The following ARHGEF6 variants were observed in gnomAD, a reference collection of about 807,000 sequenced individuals.
The protein encoded by ARHGEF6 is Rac/Cdc42 guanine nucleotide exchange factor 6.
ARHGEF6 carries 9 observed loss-of-function variants against 70.3 expected under a neutral mutation model. The ratio of observed to expected loss-of-function variants is 0.13; its 90% CI spans 0.08 to 0.22. ARHGEF6 has a LOEUF of 0.22. ARHGEF6 is among the 10% of genes least tolerant of loss of function. The pLI is 1.00. For synonymous variants in ARHGEF6, 201 were observed against 207.8 expected (o/e 0.97, Z 0.28); for missense variants, 470 against 563.0 (o/e 0.83, Z 1.67).
At chrX:136,685,113 T>C (rs1001295283) in intron 12 of ARHGEF6, among the ~76,000 whole-genome samples, 8 of 111,459 alleles carry the variant, frequency 7.2e-5, no homozygotes, top group African/African-American at 2.3e-4. Flanking sequence ...GTTTCCTTAC[T>C]GTGCTGCAGC....
intron 21 of ARHGEF6, 26 bp from the exon 22 acceptor site, chrX:136,668,195 T>G: frequency 8.3e-7 from 1 of 1,209,798 alleles, no homozygotes; most frequent in South Asian, 1.8e-5. Context: ...ATTTGTTGAT[T>G]ATCAAACAGA....
At chrX:136,745,824 C>T (rs1388248136) in intron 3 of ARHGEF6, among the ~76,000 whole-genome samples, 2 of 111,608 alleles carry the variant, frequency 1.8e-5, no homozygotes, top group Non-Finnish European at 3.8e-5. Context: ...GTGTGTGGGG[C>T]AGGGTGGAGA....
chrX:136,745,663 C>A (rs2077088513), intron 3 of ARHGEF6, among the ~76,000 whole-genome samples: 1 of 111,820 alleles, frequency 8.9e-6, no homozygotes, highest in Non-Finnish European at 1.9e-5. Context: ...CAAGGCAGAA[C>A]TATATTGGGT....
chrX:136,698,547 A>G (rs1483195415), intron 9 of ARHGEF6, among the ~76,000 whole-genome samples: 1 of 112,035 alleles, frequency 8.9e-6, no homozygotes, highest in Non-Finnish European at 1.9e-5. Flanking sequence ...GAACCTAGAT[A>G]ATATTAACAG....
intron 14 of ARHGEF6, among the ~76,000 whole-genome samples, chrX:136,681,597 G>A (rs2076333639): frequency 8.9e-6 from 1 of 112,215 alleles, no homozygotes; most frequent in South Asian, 3.7e-4. Flanking sequence ...TGACAGAGGG[G>A]AAGAAAATTG....
chrX:136,736,179 G>C (rs1418722633), intron 5 of ARHGEF6, among the ~76,000 whole-genome samples: 1 of 111,477 alleles, frequency 9.0e-6, no homozygotes, highest in Admixed American at 9.5e-5. Context: ...AATTTAAAAA[G>C]GATATAATTA....
intron 2 of ARHGEF6, among the ~76,000 whole-genome samples, chrX:136,757,359 C>T (rs866641168): frequency 8.9e-6 from 1 of 112,119 alleles, no homozygotes; most frequent in Admixed American, 9.4e-5. Flanking sequence ...TCTAGCCTGT[C>T]GCACTCTAGC....
intron 2 of ARHGEF6, among the ~76,000 whole-genome samples, chrX:136,766,374 A>G (rs2077314013): frequency 1.0e-5 from 1 of 98,226 alleles, no homozygotes; most frequent in Non-Finnish European, 2.0e-5. Flanking sequence ...AATTTATCCT[A>G]TTTTGTGAGG....
chrX:136,760,371 A>G (rs2077253520), intron 2 of ARHGEF6, among the ~76,000 whole-genome samples: 1 of 112,469 alleles, frequency 8.9e-6, no homozygotes, highest in Non-Finnish European at 1.9e-5. Flanking sequence ...AATGATAACA[A>G]TAAGACCAAG....
intron 9 of ARHGEF6, among the ~76,000 whole-genome samples, chrX:136,694,345 G>A (rs1214838069): frequency 8.9e-6 from 1 of 112,040 alleles, no homozygotes; most frequent in Non-Finnish European, 1.9e-5. Flanking sequence ...GAGCCACCGC[G>A]CCCGGCCTTG....
intron 20 of ARHGEF6, among the ~76,000 whole-genome samples, chrX:136,671,533 T>G (rs749002985): frequency 1.1e-3 from 129 of 112,618 alleles, no homozygotes; most frequent in African/African-American, 4.1e-3. Flanking sequence ...CTGAACTTCC[T>G]GTACCTCAGT....
intron 5 of ARHGEF6, among the ~76,000 whole-genome samples, chrX:136,735,364 A>G (rs1286410525): frequency 2.7e-5 from 3 of 109,783 alleles, no homozygotes; most frequent in African/African-American, 1.0e-4. Context: ...GACCCCTACC[A>G]CTTCTTACTC....
At position 136,705,290 on chromosome X, in the gene ARHGEF6, C is replaced by CA. The variant is rs759719764; in HGVS notation, c.1046+1617dup. Among the ~76,000 whole-genome samples, 78 of 75,665 alleles carry CA rather than the reference C, an allele frequency of 1.0e-3. No individual in the cohort carries two copies. The South Asian group carries it at 0.035, about 34-fold the overall frequency. 65.7% of individuals were successfully genotyped at this position (75,665 alleles called of 115,157 possible). On this transcript the variant is annotated intron_variant, in intron 9 of 21. Coordinates refer to ENST00000250617, the MANE Select transcript of ARHGEF6 (RefSeq NM_004840.3). ...CCTCGGTGACAGAGCAAGACTCTGT[C>CA]AAAAAAAAAAGGAAGGGAAGAGGAG... is the stretch of plus-strand genomic sequence containing the variant.
Position 136,710,330 on chromosome X carries a change from C to CATATATATATATATAT in ARHGEF6, c.828-1576_828-1561dup, listed in dbSNP as rs59532724. Among the ~76,000 whole-genome samples the CATATATATATATATAT allele has an allele frequency of 3.7e-4, 32 of 87,549 alleles. No individual in the cohort carries two copies. In the East Asian group the frequency reaches 8.3e-3, roughly 23 times the overall value. 76.0% of individuals were successfully genotyped at this position (87,549 alleles called of 115,157 possible). A position where few individuals can be genotyped will look rare whatever the true frequency, so the allele number is the denominator to read the frequency against. The stretch of plus-strand genomic sequence containing the variant: ...TATAATATATATATTATATATTATA[C>CATATATATATATATAT]ATATATATATATATATATATATAGA... On this transcript the variant is annotated intron_variant, in intron 7 of 21. Coordinates refer to ENST00000250617, the MANE Select transcript of ARHGEF6 (RefSeq NM_004840.3).
chrX:136,685,244 C>CT (rs1424336144), intron 12 of ARHGEF6, among the ~76,000 whole-genome samples: 1 of 111,710 alleles, frequency 9.0e-6, no homozygotes, highest in Admixed American at 9.5e-5. Context: ...TTCTTGATCT[C>CT]TCCCTCCTGT....
Position 136,780,799 on chromosome X carries a change from C to T in ARHGEF6, c.84G>A (p.Glu28=). 1 of 1,211,129 alleles carries T rather than the reference C, an allele frequency of 8.3e-7. No homozygotes were observed. Among genetic ancestry groups the T allele is most frequent in the Non-Finnish European group, 1.1e-6 (1 of 895,237 alleles). ...ESPKKTICDP[E]EFLKSSLKNG... is the part of the protein sequence containing the mutation. The stretch of plus-strand genomic sequence containing the variant: ...TTTTCAGCGAGGACTTTAAAAACTC[C>T]TCCGGATCACAGATGGTCTTTTTAG... The change falls in exon 1 of 22, where the codon GAG becomes GAA. Residue 28 remains glutamate (E), a synonymous_variant. Transcript: ENST00000250617.
At chrX:136,737,115 T>A (rs925411223) in intron 5 of ARHGEF6, among the ~76,000 whole-genome samples, 3 of 112,071 alleles carry the variant, frequency 2.7e-5, no homozygotes, top group Non-Finnish European at 5.6e-5. Context: ...CTGAGATCAC[T>A]AAAGATTTTT....
chrX:136,724,810 T>G (rs927997274), intron 6 of ARHGEF6, among the ~76,000 whole-genome samples: 19 of 111,994 alleles, frequency 1.7e-4, no homozygotes, highest in African/African-American at 5.5e-4. Context: ...CTTAAAGCAC[T>G]GTTGTCTATA....
intron 5 of ARHGEF6, among the ~76,000 whole-genome samples, chrX:136,734,077 G>A (rs1381679501): frequency 2.7e-5 from 3 of 112,290 alleles, no homozygotes; most frequent in Non-Finnish European, 5.6e-5. Flanking sequence ...TGTAGAAATG[G>A]CAATGCTCAA....
Sources: gnomAD v4.1 joint callset for allele counts (sites outside exome capture counted in the v4.1 genomes callset) on GRCh38, gnomAD v4.1.1 for gene constraint, MANE v1.5 for transcripts, NCBI Gene and HGNC (gene_info 2026-07-23, HGNC 2026-07-21) for gene names.